Variants in GLRB observed in about 807,000 individuals in gnomAD.
The protein encoded by GLRB is glycine receptor beta, also known as glycine receptor subunit beta.
Under a neutral mutation model 54.2 loss-of-function variants are expected in GLRB, and 33 were observed. The observed-to-expected ratio is 0.61, with a 90% CI of 0.46 to 0.81. The LOEUF (loss-of-function observed/expected upper bound fraction) is 0.81. GLRB is among the 40% of genes least tolerant of loss of function. The pLI is 0.00. For synonymous variants in GLRB, 209 were observed against 208.2 expected, an observed-to-expected ratio of 1.00 and a Z score of -0.03; for missense variants, 572 against 584.6, an observed-to-expected ratio of 0.98 and a Z score of 0.22.
At chr4:157,124,966 T>C (rs921837594) in intron 4 of GLRB, among the ~76,000 whole-genome samples, 1 of 151,892 alleles carries the variant, frequency 6.6e-6, no homozygotes, top group African/African-American at 2.4e-5. Flanking sequence ...TTTCATATAT[T>C]TGCTCAGTCT....
intron 2 of GLRB, among the ~76,000 whole-genome samples, chr4:157,104,728 C>T (rs1185479955): frequency 1.3e-5 from 2 of 151,934 alleles, no homozygotes; most frequent in Non-Finnish European, 2.9e-5. Context: ...GATTCAATCC[C>T]TTTACTAGTT....
intron 2 of GLRB, among the ~76,000 whole-genome samples, chr4:157,092,203 G>A (rs750384296): frequency 6.6e-6 from 1 of 152,130 alleles, no homozygotes; most frequent in Non-Finnish European, 1.5e-5. Flanking sequence ...GTTTTTAATA[G>A]ATGGAAATGG....
In GLRB at chr4:157,095,055, G is replaced by A. The variant is rs935633581; in HGVS notation, c.122+16909G>A. Among the ~76,000 whole-genome samples, 10 of 152,218 alleles carry A rather than the reference G, an allele frequency of 6.6e-5. No individual in the cohort carries two copies. In the East Asian group the frequency reaches 7.7e-4, roughly 12 times the overall value. On this transcript the variant is annotated intron_variant, in intron 2 of 9. Transcript: ENST00000264428. ...AGATTGGAGAACTAGAACTTTGGTC[G>A]TGCTGATCTACATTGAGTTGGCTAC...
rs1042866231 is a variant in GLRB, at chr4:157,097,002, T to C, written c.122+18856T>C. ...ACTTTTCTTTGCTTAATTCCTTGGT[T>C]TTAAGTTTTAGTTTGTAGTAGCAAT... On this transcript the variant is annotated intron_variant, in intron 2 of 9. Coordinates refer to ENST00000264428, the MANE Select transcript of GLRB (RefSeq NM_000824.5). Among the ~76,000 whole-genome samples, 5 of 152,340 alleles carry C rather than the reference T, an allele frequency of 3.3e-5. No individual in the cohort carries two copies. The South Asian group carries it at 6.2e-4, about 19-fold the overall frequency.
chr4:157,156,836 G>A (rs1358769270), intron 9 of GLRB, among the ~76,000 whole-genome samples: 2 of 152,088 alleles, frequency 1.3e-5, no homozygotes, highest in African/African-American at 2.4e-5. Context: ...CCAGTTTTTT[G>A]TATGATGAGT....
chr4:157,082,150 C>G (rs1361536829), intron 2 of GLRB, among the ~76,000 whole-genome samples: 1 of 152,132 alleles, frequency 6.6e-6, no homozygotes, highest in Non-Finnish European at 1.5e-5. Flanking sequence ...GCCCGTACCT[C>G]TTTGAAGAGC....
chr4:157,121,071 T>C (rs1357412578), intron 3 of GLRB, among the ~76,000 whole-genome samples: 1 of 151,598 alleles, frequency 6.6e-6, no homozygotes, highest in African/African-American at 2.4e-5. Context: ...AGAGAACAGT[T>C]CTGATGTATA....
intron 2 of GLRB, among the ~76,000 whole-genome samples, chr4:157,106,522 C>T (rs1735229935): frequency 6.6e-6 from 1 of 152,076 alleles, no homozygotes; most frequent in South Asian, 2.1e-4. Context: ...TGGGTGAACA[C>T]TACCCAATTG....
chr4:157,152,161 A>C (rs1560971582), intron 8 of GLRB, among the ~76,000 whole-genome samples: 1 of 152,212 alleles, frequency 6.6e-6, no homozygotes, highest in Non-Finnish European at 1.5e-5. Context: ...GCAGACCTTC[A>C]TACCTTTCTT....
intron 4 of GLRB, among the ~76,000 whole-genome samples, chr4:157,128,171 G>A (rs1290497859): frequency 1.3e-5 from 2 of 151,754 alleles, no homozygotes; most frequent in Non-Finnish European, 2.9e-5. Flanking sequence ...TATTAAGGAT[G>A]TAATTTTTAA....
chr4:157,086,108 A>G (rs1734403283), intron 2 of GLRB, among the ~76,000 whole-genome samples: 1 of 152,106 alleles, frequency 6.6e-6, no homozygotes, highest in Non-Finnish European at 1.5e-5. Flanking sequence ...TTCGCGTTAC[A>G]GGTATCAGCC....
intron 9 of GLRB, among the ~76,000 whole-genome samples, chr4:157,157,610 G>C (rs754865413): frequency 6.6e-6 from 1 of 152,064 alleles, no homozygotes; most frequent in Non-Finnish European, 1.5e-5. Flanking sequence ...CTGTCTTTGC[G>C]ATAGTTTGCT....
intron 2 of GLRB, among the ~76,000 whole-genome samples, chr4:157,112,767 G>A (rs538972917): frequency 6.6e-6 from 1 of 151,942 alleles, no homozygotes; most frequent in Admixed American, 6.6e-5. Flanking sequence ...GGTATGGGCT[G>A]CCTCTAGGAC....
chr4:157,145,960 G>A (rs1419533569), intron 8 of GLRB, among the ~76,000 whole-genome samples: 2 of 152,046 alleles, frequency 1.3e-5, no homozygotes, highest in South Asian at 2.1e-4. Flanking sequence ...AAGGAGGTCA[G>A]AAAGATAACA....
At chr4:157,097,330 C>T (rs1560939824) in intron 2 of GLRB, among the ~76,000 whole-genome samples, 1 of 152,094 alleles carries the variant, frequency 6.6e-6, no homozygotes, top group African/African-American at 2.4e-5. Flanking sequence ...AGATGCCACT[C>T]TATGTTCGTT....
chr4:157,114,944 C>T (rs953079865), intron 2 of GLRB, among the ~76,000 whole-genome samples: 1 of 151,652 alleles, frequency 6.6e-6, no homozygotes, highest in Non-Finnish European at 1.5e-5. Context: ...TCCGCACCCC[C>T]CTTTGCAGAC....
At chr4:157,101,153 G>A (rs1452024840) in intron 2 of GLRB, among the ~76,000 whole-genome samples, 1 of 152,034 alleles carries the variant, frequency 6.6e-6, no homozygotes, top group Non-Finnish European at 1.5e-5. Flanking sequence ...TTAGAAAAAT[G>A]CAGAAAATTA....
Position 157,120,647 on chromosome 4 carries a change from A to C in GLRB, c.214A>C (p.Arg72=). ...ATTGGTCAGTTATGATCCCAGGATA[A>C]GACCAAACTTCAAAGGTTTGTCTCC... ...RLLVSYDPRI[R]PNFKGIPVDV... The change falls in exon 3 of 10, where the codon AGA becomes CGA. Residue 72 remains arginine, a synonymous_variant. Transcript: ENST00000264428. 1 of 1,550,558 alleles carries C rather than the reference A, an allele frequency of 6.4e-7. No homozygotes were observed. Among genetic ancestry groups the C allele is most frequent in the Non-Finnish European group, 8.9e-7 (1 of 1,125,056 alleles).
At chr4:157,113,737 G>A (rs181178701) in intron 2 of GLRB, among the ~76,000 whole-genome samples, 164 of 151,994 alleles carry the variant, frequency 1.1e-3, no homozygotes, top group Non-Finnish European at 1.9e-3. Context: ...GAATGTTGTG[G>A]AACACTCTTC....
Sources: gnomAD v4.1 joint callset for allele counts (sites outside exome capture counted in the v4.1 genomes callset) on GRCh38, gnomAD v4.1.1 for gene constraint, MANE v1.5 for transcripts, NCBI Gene and HGNC (gene_info 2026-07-23, HGNC 2026-07-21) for gene names.